Variants in TENM2 observed in about 807,000 individuals in gnomAD.
TENM2 encodes the protein teneurin-2.
Under a neutral mutation model 245.2 loss-of-function variants are expected in TENM2, and 52 were observed. That is an observed-to-expected ratio of 0.21 (90% CI 0.17 to 0.27). The LOEUF (loss-of-function observed/expected upper bound fraction) is 0.27, where lower values mean the gene tolerates loss of function less well. TENM2 is among the 10% of genes least tolerant of loss of function. TENM2 has a pLI of 1.00. For missense variants in TENM2, 3,046 were observed against 3,666.8 expected, an observed-to-expected ratio of 0.83 and a Z score of 4.37; for synonymous variants, 1,363 against 1,438.9, an observed-to-expected ratio of 0.95 and a Z score of 1.19.
At chr5:168,223,550 C>T (rs1368866565) in intron 23 of TENM2, among the ~76,000 whole-genome samples, 1 of 151,204 alleles carries the variant, frequency 6.6e-6, no homozygotes, top group Non-Finnish European at 1.5e-5. Flanking sequence ...TCACTGCAGC[C>T]TCCGCCTCCC....
chr5:167,838,708 C>G (rs1260755292), intron 2 of TENM2, among the ~76,000 whole-genome samples: 1 of 152,150 alleles, frequency 6.6e-6, no homozygotes, highest in Non-Finnish European at 1.5e-5. Context: ...TTTGATCAAG[C>G]TCGGTTTTCT....
At chr5:167,667,905 G>C (rs958285196) in intron 2 of TENM2, among the ~76,000 whole-genome samples, 1 of 152,166 alleles carries the variant, frequency 6.6e-6, no homozygotes, top group Non-Finnish European at 1.5e-5. Flanking sequence ...GATATGGCCA[G>C]CAGCCTCCTA....
chr5:167,132,885 A>G, the TENM2 span, among the ~76,000 whole-genome samples: 1 of 152,182 alleles, frequency 6.6e-6, no homozygotes, highest in Non-Finnish European at 1.5e-5. Flanking sequence ...TCAGGGGTAG[A>G]TGTTCACTCC....
the TENM2 span, among the ~76,000 whole-genome samples, chr5:167,053,127 A>G: frequency 3.3e-5 from 5 of 152,128 alleles, no homozygotes; most frequent in Non-Finnish European, 5.9e-5. Flanking sequence ...TATCTGGTGA[A>G]TTATTTCATC....
intron 3 of TENM2, among the ~76,000 whole-genome samples, chr5:167,911,103 T>A (rs1776509499): frequency 6.6e-6 from 1 of 152,176 alleles, no homozygotes. Flanking sequence ...TATATTTCCT[T>A]TTGTAGTAAG....
chr5:167,108,171 G>C, the TENM2 span, among the ~76,000 whole-genome samples: 2 of 152,004 alleles, frequency 1.3e-5, no homozygotes, highest in African/African-American at 4.8e-5. Context: ...TGTCACCCAC[G>C]CTGGAGTGCA....
Position 167,348,074 on chromosome 5 carries a change from C to T in TENM2, c.227-27124C>T, listed in dbSNP as rs944065001. ...CATATGCCTTTTAAACTGGACTAGA[C>T]GGCGTGTTGTTCGGGAACATCTCTA... On this transcript the variant is annotated intron_variant, in intron 1 of 28. Transcript: ENST00000518659. Among the ~76,000 whole-genome samples the T allele has an allele frequency of 4.9e-4, 75 of 152,286 alleles. 1 individual carries two copies. Among genetic ancestry groups the T allele is most frequent in the African/African-American group, 1.5e-3 (64 of 41,570 alleles).
chr5:168,133,805 G>A (rs978325900), intron 12 of TENM2, among the ~76,000 whole-genome samples: 1 of 152,160 alleles, frequency 6.6e-6, no homozygotes, highest in African/African-American at 2.4e-5. Flanking sequence ...ATCCATCCAC[G>A]TCTGCTTCAC....
At chr5:167,575,298 A>G (rs990833964) in intron 2 of TENM2, among the ~76,000 whole-genome samples, 1 of 152,146 alleles carries the variant, frequency 6.6e-6, no homozygotes, top group Non-Finnish European at 1.5e-5. Context: ...CAGTTAAAAG[A>G]ATCCTCCTCT....
At chr5:167,571,731 T>C (rs1774277304) in intron 2 of TENM2, among the ~76,000 whole-genome samples, 1 of 152,062 alleles carries the variant, frequency 6.6e-6, no homozygotes, top group South Asian at 2.1e-4. Flanking sequence ...CTCGGGCCCC[T>C]TCCCCTGTTT....
chr5:168,252,901 ATCACT>A (rs1767251244), intron 27 of TENM2, among the ~76,000 whole-genome samples: 1 of 151,974 alleles, frequency 6.6e-6, no homozygotes, highest in South Asian at 2.1e-4. Flanking sequence ...AACCTTGCCA[ATCACT>A]TGCTGTGTGA....
At chr5:167,421,749 T>C (rs143514913) in intron 2 of TENM2, among the ~76,000 whole-genome samples, 94 of 152,344 alleles carry the variant, frequency 6.2e-4, no homozygotes, top group Non-Finnish European at 1.2e-3. Flanking sequence ...TGAGCTAGTA[T>C]ATACAAAATT....
chr5:167,974,720 C>A (rs1357011575), intron 4 of TENM2, among the ~76,000 whole-genome samples: 1 of 152,144 alleles, frequency 6.6e-6, no homozygotes, highest in Non-Finnish European at 1.5e-5. Context: ...GTGAGGCAAC[C>A]AGGCTCTGAC....
At chr5:167,631,354 AC>A (rs1315389865) in intron 2 of TENM2, among the ~76,000 whole-genome samples, 2 of 152,296 alleles carry the variant, frequency 1.3e-5, no homozygotes, top group Middle Eastern at 3.4e-3. Flanking sequence ...CAAGGCTTGA[AC>A]TTGGTGCCAG....
At chr5:167,314,110 T>C (rs1478963149) in intron 1 of TENM2, among the ~76,000 whole-genome samples, 1 of 152,194 alleles carries the variant, frequency 6.6e-6, no homozygotes, top group Non-Finnish European at 1.5e-5. Flanking sequence ...TGGAAGGAAA[T>C]TGGGCATTTT....
chr5:168,254,495 AGG>A (rs1562342648), intron 27 of TENM2, among the ~76,000 whole-genome samples: 1 of 151,906 alleles, frequency 6.6e-6, no homozygotes, highest in African/African-American at 2.4e-5. Context: ...GAAGAGGAAG[AGG>A]AAGAAGGGGA....
At chr5:167,607,652 G>A (rs189647249) in intron 2 of TENM2, among the ~76,000 whole-genome samples, 6 of 152,258 alleles carry the variant, frequency 3.9e-5, no homozygotes, top group African/African-American at 1.2e-4. Context: ...AATTTCTGGC[G>A]TGGATCCTTA....
chr5:167,175,280 T>C, the TENM2 span, among the ~76,000 whole-genome samples: 1 of 152,218 alleles, frequency 6.6e-6, no homozygotes, highest in African/African-American at 2.4e-5. Flanking sequence ...CCCTGAGATA[T>C]GTTAACAGCA....
chr5:167,103,547 G>A, the TENM2 span, among the ~76,000 whole-genome samples: 15 of 152,272 alleles, frequency 9.9e-5, no homozygotes, highest in East Asian at 5.8e-4. Context: ...CTGAATTATC[G>A]CTAGAATCCT....
Sources: gnomAD v4.1 joint callset for allele counts (sites outside exome capture counted in the v4.1 genomes callset) on GRCh38, gnomAD v4.1.1 for gene constraint, MANE v1.5 for transcripts, NCBI Gene and HGNC (gene_info 2026-07-23, HGNC 2026-07-21) for gene names.